Variants in RABGAP1L observed in about 807,000 individuals in gnomAD.
RABGAP1L encodes rab GTPase-activating protein 1-like.
In RABGAP1L, 63 loss-of-function variants were observed where a neutral mutation model predicts 137.7. That is an observed-to-expected ratio of 0.46 (90% CI 0.37 to 0.56). The LOEUF (loss-of-function observed/expected upper bound fraction) is 0.56. Ranked by LOEUF, RABGAP1L falls within the 20% of genes least tolerant of loss-of-function variation. The pLI is 0.00. For missense variants in RABGAP1L, 1,095 were observed against 1,244.0 expected (o/e 0.88, Z 1.80); for synonymous variants, 431 against 433.7 (o/e 0.99, Z 0.08).
intron 17 of RABGAP1L, among the ~76,000 whole-genome samples, chr1:174,734,472 G>A (rs1682767504): frequency 1.3e-5 from 2 of 152,132 alleles, no homozygotes; most frequent in Non-Finnish European, 2.9e-5. Flanking sequence ...TGAGATGCCT[G>A]TTCTAAACAG....
At chr1:174,266,132 A>G (rs1025202705) in intron 7 of RABGAP1L, among the ~76,000 whole-genome samples, 1 of 152,094 alleles carries the variant, frequency 6.6e-6, no homozygotes, top group Admixed American at 6.6e-5. Context: ...CTGGGTTTGA[A>G]TCTTGGCTTT....
At chr1:174,248,903 A>G (rs1672483130) in intron 5 of RABGAP1L, among the ~76,000 whole-genome samples, 2 of 152,162 alleles carry the variant, frequency 1.3e-5, no homozygotes, top group African/African-American at 4.8e-5. Context: ...GACACATTGA[A>G]AATATTTTTT....
intron 1 of RABGAP1L, among the ~76,000 whole-genome samples, chr1:174,191,542 G>T (rs1667209684): frequency 6.6e-6 from 1 of 152,160 alleles, no homozygotes; most frequent in Non-Finnish European, 1.5e-5. Context: ...ATTTGAGTCT[G>T]CTACCCTCAT....
intron 13 of RABGAP1L, among the ~76,000 whole-genome samples, chr1:174,556,724 A>T (rs1043992672): frequency 6.6e-6 from 1 of 152,244 alleles, no homozygotes; most frequent in African/African-American, 2.4e-5. Flanking sequence ...TAGATGGATG[A>T]AGTAAGTTCA....
intron 18 of RABGAP1L, among the ~76,000 whole-genome samples, chr1:174,789,715 A>C (rs1354204304): frequency 6.6e-6 from 1 of 152,198 alleles, no homozygotes; most frequent in Non-Finnish European, 1.5e-5. Context: ...CTTGGTTGCT[A>C]AAGGAAACAG....
intron 17 of RABGAP1L, among the ~76,000 whole-genome samples, chr1:174,721,694 T>C (rs1681553015): frequency 6.6e-6 from 1 of 152,214 alleles, no homozygotes; most frequent in South Asian, 2.1e-4. Context: ...AGTTACCAAA[T>C]AGGGGAATGA....
At chr1:174,719,331 C>T (rs917493242) in intron 17 of RABGAP1L, among the ~76,000 whole-genome samples, 8 of 152,172 alleles carry the variant, frequency 5.3e-5, no homozygotes, top group South Asian at 4.2e-4. Flanking sequence ...TTACATGTTA[C>T]GTAATATATT....
intron 14 of RABGAP1L, among the ~76,000 whole-genome samples, chr1:174,673,293 A>C (rs1379864783): frequency 6.6e-6 from 1 of 152,228 alleles, no homozygotes; most frequent in African/African-American, 2.4e-5. Context: ...AACGATTCCC[A>C]TGATCTAATT....
intron 13 of RABGAP1L, among the ~76,000 whole-genome samples, chr1:174,509,186 A>G (rs72715211): frequency 0.061 from 9,298 of 152,252 alleles, 407 homozygotes; most frequent in Admixed American, 0.095. Context: ...TTTAAGTTCA[A>G]TGCCGTACAT....
At chr1:174,219,805 G>T (rs1437271981) in intron 2 of RABGAP1L, among the ~76,000 whole-genome samples, 4 of 151,964 alleles carry the variant, frequency 2.6e-5, no homozygotes, top group Admixed American at 1.3e-4. Context: ...CTTCTGTGTT[G>T]CACTTTCTAA....
intron 18 of RABGAP1L, among the ~76,000 whole-genome samples, chr1:174,786,181 CT>C (rs1220790145): frequency 6.6e-6 from 1 of 152,140 alleles, no homozygotes; most frequent in Non-Finnish European, 1.5e-5. Flanking sequence ...AGTCTTGTGA[CT>C]GGTAAATTCT....
intron 18 of RABGAP1L, among the ~76,000 whole-genome samples, chr1:174,770,457 ATT>A (rs1318751167): frequency 1.3e-5 from 2 of 152,216 alleles, no homozygotes; most frequent in Non-Finnish European, 2.9e-5. Context: ...TGTTGAAGCA[ATT>A]TCTCATTACT....
chr1:174,614,177 A>G (rs1243301426), intron 13 of RABGAP1L, among the ~76,000 whole-genome samples: 9 of 150,054 alleles, frequency 6.0e-5, no homozygotes, highest in Non-Finnish European at 1.0e-4. Context: ...ATTTGGCATG[A>G]TTTTGCAGTG....
At chr1:174,839,039 G>GTGTT (rs1693095755) in intron 19 of RABGAP1L, among the ~76,000 whole-genome samples, 1 of 147,010 alleles carries the variant, frequency 6.8e-6, no homozygotes, top group South Asian at 2.2e-4. Flanking sequence ...GTGTGTGTGT[G>GTGTT]TGTGTGTGTG....
At chr1:174,392,788 A>G (rs1055387563) in intron 12 of RABGAP1L, among the ~76,000 whole-genome samples, 2 of 152,146 alleles carry the variant, frequency 1.3e-5, no homozygotes, top group Non-Finnish European at 2.9e-5. Flanking sequence ...GAAAATAGAC[A>G]TGTGGATTCT....
At chr1:174,384,363 G>T (rs1040682209) in intron 12 of RABGAP1L, among the ~76,000 whole-genome samples, 1 of 151,972 alleles carries the variant, frequency 6.6e-6, no homozygotes, top group Admixed American at 6.5e-5. Context: ...AAACCTATGT[G>T]CATTTGTCAA....
chr1:174,203,199 G>T (rs996232914), intron 1 of RABGAP1L, among the ~76,000 whole-genome samples: 2 of 151,978 alleles, frequency 1.3e-5, no homozygotes, highest in Non-Finnish European at 2.9e-5. Flanking sequence ...TAAGGAAATG[G>T]TCCACCTTCA....
At chr1:174,190,649 G>C (rs1249637699) in intron 1 of RABGAP1L, among the ~76,000 whole-genome samples, 2 of 152,188 alleles carry the variant, frequency 1.3e-5, no homozygotes, top group Non-Finnish European at 2.9e-5. Flanking sequence ...GCAGCAAAAG[G>C]CTGTTTCACT....
chr1:174,633,134 C>G (rs1192782170), intron 13 of RABGAP1L, among the ~76,000 whole-genome samples: 1 of 151,168 alleles, frequency 6.6e-6, no homozygotes, highest in Non-Finnish European at 1.5e-5. Context: ...CTAGAAAACC[C>G]CATCGTCTCA....
Sources: gnomAD v4.1 joint callset for allele counts (sites outside exome capture counted in the v4.1 genomes callset) on GRCh38, gnomAD v4.1.1 for gene constraint, MANE v1.5 for transcripts, NCBI Gene and HGNC (gene_info 2026-07-23, HGNC 2026-07-21) for gene names.